Variants in DMTF1 observed in about 807,000 individuals in gnomAD.
DMTF1 encodes the protein cyclin D binding myb like transcription factor 1.
Under a neutral mutation model 91.1 loss-of-function variants are expected in DMTF1, and 39 were observed. The observed-to-expected ratio is 0.43, with a 90% CI of 0.33 to 0.56. The LOEUF is 0.56. Ranked by LOEUF, DMTF1 falls within the 20% of genes least tolerant of loss-of-function variation. The probability of loss-of-function intolerance (pLI) is 0.05; values close to 1 mark genes in which losing one functional copy is unlikely to be tolerated. For synonymous variants in DMTF1, 338 were observed against 309.5 expected, an observed-to-expected ratio of 1.09 and a Z score of -0.97; for missense variants, 750 against 914.5, an observed-to-expected ratio of 0.82 and a Z score of 2.32.
chr7:87,177,943 T>G (rs1424541735), intron 7 of DMTF1, among the ~76,000 whole-genome samples: 1 of 152,182 alleles, frequency 6.6e-6, no homozygotes, highest in Non-Finnish European at 1.5e-5. Flanking sequence ...GCAAGCCTCT[T>G]CATAAATATC....
In DMTF1 at chr7:87,166,608, A is replaced by G. The variant is rs1266026834; in HGVS notation, c.232+3A>G. ...CATATCAGTTGTTGCACTTCCACGT[A>G]AGTCACTACGTATTAAGAGCCATAG... is the stretch of plus-strand genomic sequence containing the variant. On this transcript the variant is annotated splice_donor_region_variant and intron_variant, in intron 4 of 17. Coordinates refer to ENST00000331242, the MANE Select transcript of DMTF1 (RefSeq NM_001142327.2). The G allele has an allele frequency of 6.3e-7, 1 of 1,598,742 alleles. No homozygotes were observed. Among genetic ancestry groups the G allele is most frequent in the East Asian group, 2.2e-5 (1 of 44,530 alleles).
At chr7:87,175,704 A>G (rs1256537331) in intron 7 of DMTF1, among the ~76,000 whole-genome samples, 41 of 152,218 alleles carry the variant, frequency 2.7e-4, no homozygotes, top group Admixed American at 2.7e-3. Context: ...GGGCTAGAGT[A>G]GAACTTGAGG....
In DMTF1 at chr7:87,170,987, T is replaced by C; in HGVS notation, c.233-8T>C. On this transcript the variant is annotated splice_region_variant and splice_polypyrimidine_tract_variant and intron_variant, in intron 4 of 17. Transcript: ENST00000331242. ...TATTCTGGAGATGAACGGTTCCTTT[T>C]CTTGAAGTTTCAGAAAATGATCAGA... The C allele has an allele frequency of 1.3e-6, 2 of 1,588,882 alleles. No individual in the cohort carries two copies. The highest frequency in any genetic ancestry group is 1.3e-5 in the African/African-American group (1 of 74,376).
chr7:87,190,871 A>T (rs1026548621), intron 13 of DMTF1, 74 bp from the exon 14 acceptor site: 2 of 1,270,128 alleles, frequency 1.6e-6, no homozygotes, highest in African/African-American at 3.0e-5. Context: ...AATTGAGTAC[A>T]CTAGAGAAAC....
chr7:87,160,181 G>T (rs1161841640), intron 1 of DMTF1, among the ~76,000 whole-genome samples: 1 of 151,784 alleles, frequency 6.6e-6, no homozygotes, highest in Non-Finnish European at 1.5e-5. Flanking sequence ...GAATACAGAT[G>T]TATTCTGTGT....
chr7:87,190,983 A>G lies in DMTF1; in HGVS notation c.1450A>G (p.Ile484Val), dbSNP rs572615960. The G allele has an allele frequency of 4.7e-5, 76 of 1,611,096 alleles. No individual in the cohort carries two copies. The South Asian group carries it at 7.4e-4, about 16-fold the overall frequency. Reference sequence around the variant, plus strand: ...TCCTGCTACCGTTGACTCAGAAACAATAACACTAAACAGTGGAACACTACA... The same window carrying G: ...TCCTGCTACCGTTGACTCAGAAACAGTAACACTAAACAGTGGAACACTACA... ...DSPATVDSET[I>V]TLNSGTLQTF... The change falls in exon 14 of 18, where the codon ATA (isoleucine) becomes GTA (valine). Residue 484 changes from isoleucine (I) to valine (V), a missense_variant. Ile to Val is a conservative substitution (Grantham distance 29, BLOSUM62 3). This residue lies in a region of DMTF1 where 410 missense variants were observed against 420.2 expected (regional missense o/e 0.98). Transcript: ENST00000331242.
chr7:87,172,869 G>T (rs1035708051), intron 5 of DMTF1, among the ~76,000 whole-genome samples: 142 of 152,360 alleles, frequency 9.3e-4, no homozygotes, highest in African/African-American at 3.2e-3. Flanking sequence ...GCTAGTGGTG[G>T]TTGCACAGAA....
At chr7:87,174,378 C>CT (rs1795795928) in intron 6 of DMTF1, among the ~76,000 whole-genome samples, 1 of 151,776 alleles carries the variant, frequency 6.6e-6, no homozygotes, top group Non-Finnish European at 1.5e-5. Context: ...TTACCATTGT[C>CT]TTTTTTTAGT....
At position 87,194,373 on chromosome 7, in the gene DMTF1, A is replaced by G. The variant is rs79632102; in HGVS notation, c.2028+271A>G. The G allele has an allele frequency of 2.0e-3, 993 of 487,664 alleles. 7 individuals are homozygous for G. Among genetic ancestry groups the G allele is most frequent in the African/African-American group, 0.018 (936 of 50,602 alleles). The allele number at this position is 487,664 out of a possible 1,614,324, so 30.2% of individuals were successfully genotyped here. On this transcript the variant is annotated intron_variant, in intron 16 of 17. Coordinates refer to ENST00000331242, the MANE Select transcript of DMTF1 (RefSeq NM_001142327.2). ...TTGAGAAATGTTTGTTAGAACCCATAGAAGCATTTTCCTGAGTGGTTAGTA... is the reference window on the plus strand; with the variant it reads ...TTGAGAAATGTTTGTTAGAACCCATGGAAGCATTTTCCTGAGTGGTTAGTA...
chr7:87,186,786 A>G (rs1798553356), intron 12 of DMTF1: 1 of 152,162 alleles, frequency 6.6e-6, no homozygotes. Flanking sequence ...GGTTTGTGTA[A>G]GTACACTGTG....
intron 14 of DMTF1, chr7:87,192,826 A>T: frequency 5.8e-6 from 1 of 170,964 alleles, no homozygotes; most frequent in Middle Eastern, 2.8e-3. Flanking sequence ...AAAAGTGTTC[A>T]AGTAAACACT....
At chr7:87,176,112 T>C (rs527935497) in intron 7 of DMTF1, among the ~76,000 whole-genome samples, 3 of 152,350 alleles carry the variant, frequency 2.0e-5, no homozygotes, top group African/African-American at 4.8e-5. Context: ...TTTTCCACTC[T>C]ACACTAATGT....
intron 1 of DMTF1, among the ~76,000 whole-genome samples, chr7:87,161,263 C>T (rs1006884514): frequency 7.2e-5 from 11 of 152,012 alleles, no homozygotes; most frequent in Non-Finnish European, 1.2e-4. Flanking sequence ...TTTGGGAGGC[C>T]GAGGCAAGTG....
At chr7:87,159,180 A>G (rs1470631733) in intron 1 of DMTF1, among the ~76,000 whole-genome samples, 1 of 152,176 alleles carries the variant, frequency 6.6e-6, no homozygotes, top group Non-Finnish European at 1.5e-5. Flanking sequence ...TACATTTGTC[A>G]GGCACATGAT....
chr7:87,185,689 C>A, intron 11 of DMTF1, 140 bp from the exon 12 acceptor site: 1 of 925,900 alleles, frequency 1.1e-6, no homozygotes, highest in South Asian at 1.6e-5. Context: ...GGAATCCTTT[C>A]CCGTGTAACT....
intron 7 of DMTF1, 108 bp from the exon 8 acceptor site, chr7:87,179,437 T>C (rs1396272937): frequency 7.9e-6 from 7 of 889,002 alleles, no homozygotes; most frequent in Non-Finnish European, 1.1e-5. Context: ...ATATTATTTT[T>C]CTAAATGCCG....
At chr7:87,159,454 G>A (rs1363360975) in intron 1 of DMTF1, among the ~76,000 whole-genome samples, 5 of 152,136 alleles carry the variant, frequency 3.3e-5, no homozygotes, top group African/African-American at 9.7e-5. Context: ...CAAGCAGATC[G>A]TCCATGGTTT....
intron 12 of DMTF1, chr7:87,187,320 C>A (rs191056663): frequency 6.6e-6 from 1 of 152,360 alleles, no homozygotes; most frequent in Non-Finnish European, 1.5e-5. Context: ...GATCACTTGA[C>A]GCTAGGAGTT....
intron 4 of DMTF1, among the ~76,000 whole-genome samples, chr7:87,169,580 T>G (rs1407420898): frequency 6.6e-6 from 1 of 152,222 alleles, no homozygotes; most frequent in African/African-American, 2.4e-5. Context: ...CTCTTTTTCC[T>G]TAAACTTACT....
Sources: gnomAD v4.1 joint callset for allele counts (sites outside exome capture counted in the v4.1 genomes callset) on GRCh38, gnomAD v4.1.1 for gene constraint, gnomAD v4.1.1 regional missense constraint, MANE v1.5 for transcripts, NCBI Gene and HGNC (gene_info 2026-07-23, HGNC 2026-07-21) for gene names.